Variants in CLEC16A observed in about 807,000 individuals in gnomAD.
CLEC16A encodes the protein protein CLEC16A.
A neutral mutation model predicts 109.5 loss-of-function variants in CLEC16A; 51 were observed. That is an observed-to-expected ratio of 0.47 (90% CI 0.37 to 0.59). The LOEUF (loss-of-function observed/expected upper bound fraction) is 0.59, where lower values mean the gene tolerates loss of function less well. Among genes scored for constraint, CLEC16A ranks in the 20% least tolerant of loss-of-function variants. The pLI is 0.00. For synonymous variants in CLEC16A, 673 were observed against 564.2 expected (o/e 1.19, Z -2.73); for missense variants, 1,339 against 1,394.0 (o/e 0.96, Z 0.63).
At chr16:10,998,227 C>T (rs2044446010) in intron 10 of CLEC16A, among the ~76,000 whole-genome samples, 1 of 152,198 alleles carries the variant, frequency 6.6e-6, no homozygotes, top group East Asian at 1.9e-4. Context: ...GGTGCAGACG[C>T]TTAGGGAGTA....
chr16:10,966,561 C>T (rs975181470), intron 3 of CLEC16A, among the ~76,000 whole-genome samples: 4 of 152,144 alleles, frequency 2.6e-5, no homozygotes, highest in Non-Finnish European at 4.4e-5. Context: ...TAGATATACC[C>T]GAGGCTGGGT....
At chr16:10,993,267 T>A (rs2044140569) in intron 10 of CLEC16A, among the ~76,000 whole-genome samples, 1 of 152,132 alleles carries the variant, frequency 6.6e-6, no homozygotes, top group African/African-American at 2.4e-5. Context: ...TGATTCCAGC[T>A]ACTCAGGAGG....
intron 19 of CLEC16A, among the ~76,000 whole-genome samples, chr16:11,097,929 C>T (rs771791431): frequency 2.0e-5 from 3 of 152,328 alleles, no homozygotes; most frequent in African/African-American, 2.4e-5. Flanking sequence ...AGCTGGCCCA[C>T]GGGCGACAGG....
intron 19 of CLEC16A, chr16:11,066,529 C>G (rs927094967): frequency 6.6e-6 from 1 of 152,292 alleles, no homozygotes. Context: ...CCAGGATGTC[C>G]GGTGGGCGGG....
chr16:11,038,362 A>G (rs575104317), intron 13 of CLEC16A, among the ~76,000 whole-genome samples: 1 of 152,204 alleles, frequency 6.6e-6, no homozygotes, highest in African/African-American at 2.4e-5. Context: ...AAGACGTGGT[A>G]CAAGCGCAAA....
intron 10 of CLEC16A, among the ~76,000 whole-genome samples, chr16:10,991,377 T>A (rs1440519991): frequency 2.0e-4 from 27 of 131,790 alleles, no homozygotes; most frequent in Non-Finnish European, 4.6e-5. Context: ...TGAGCCGAGA[T>A]CATGCCACTA....
At chr16:11,077,848 G>A (rs1175240693) in intron 19 of CLEC16A, among the ~76,000 whole-genome samples, 1 of 152,110 alleles carries the variant, frequency 6.6e-6, no homozygotes, top group Admixed American at 6.6e-5. Flanking sequence ...GCTAGGCGCG[G>A]TGGCTCATGC....
chr16:11,000,920 A>G (rs768991498), intron 10 of CLEC16A, among the ~76,000 whole-genome samples: 14 of 152,214 alleles, frequency 9.2e-5, no homozygotes, highest in Non-Finnish European at 1.9e-4. Flanking sequence ...TGGATAATCT[A>G]TATCAAGATA....
chr16:11,108,495 A>ACC (rs2051358089), intron 19 of CLEC16A, among the ~76,000 whole-genome samples: 1 of 152,022 alleles, frequency 6.6e-6, no homozygotes, highest in Non-Finnish European at 1.5e-5. Context: ...AACATCTCCC[A>ACC]CCCACCCTCT....
rs1164581981 is a variant in CLEC16A, at chr16:10,957,856, G to A, written c.155G>A (p.Arg52His). The change falls in exon 2 of 24, where the codon CGT becomes CAT. Residue 52 changes from arginine (R) to histidine (H), a missense_variant. This residue lies in a region of CLEC16A where 117 missense variants were observed against 120.2 expected (regional missense o/e 0.97). Coordinates refer to ENST00000409790, the MANE Select transcript of CLEC16A (RefSeq NM_015226.3). Reference sequence around the variant, plus strand: ...CGGAACCTGCTAGTGGAGACCATCCGTTCCATCACTGAGATCCTGATCTGG... The same window carrying A: ...CGGAACCTGCTAGTGGAGACCATCCATTCCATCACTGAGATCCTGATCTGG... ...QNRNLLVETI[R>H]SITEILIWGD... is the part of the protein sequence containing the mutation. 4 of 1,613,842 alleles carry A rather than the reference G, an allele frequency of 2.5e-6. No individual in the cohort carries two copies. Among genetic ancestry groups the A allele is most frequent in the Non-Finnish European group, 3.4e-6 (4 of 1,179,752 alleles).
At chr16:11,019,807 T>C (rs531167339) in intron 11 of CLEC16A, among the ~76,000 whole-genome samples, 106 of 151,426 alleles carry the variant, frequency 7.0e-4, no homozygotes, top group African/African-American at 2.5e-3. Flanking sequence ...AGCTTTAGAA[T>C]GTTGTCAGTG....
chr16:11,002,133 G>A (rs566067451), intron 10 of CLEC16A, among the ~76,000 whole-genome samples: 8 of 152,230 alleles, frequency 5.3e-5, no homozygotes, highest in South Asian at 2.1e-4. Context: ...GTGTGACCTC[G>A]GGCAGATCCT....
At chr16:11,138,706 A>G (rs1451423725) in intron 22 of CLEC16A, among the ~76,000 whole-genome samples, 2 of 152,210 alleles carry the variant, frequency 1.3e-5, no homozygotes, top group African/African-American at 4.8e-5. Context: ...AAAAACCTAA[A>G]TGACCACTGT....
chr16:11,074,064 T>G (rs2049215432), intron 19 of CLEC16A, among the ~76,000 whole-genome samples: 5 of 152,258 alleles, frequency 3.3e-5, no homozygotes, highest in Admixed American at 3.3e-4. Context: ...TGGCATTTTC[T>G]AAAAATGTAG....
At chr16:11,135,766 G>A (rs372686810) in intron 22 of CLEC16A, among the ~76,000 whole-genome samples, 23 of 152,318 alleles carry the variant, frequency 1.5e-4, no homozygotes, top group East Asian at 1.4e-3. Context: ...GGGTGGGCCC[G>A]CAGCAGGGCA....
Position 11,178,448 on chromosome 16 carries a change from G to T in CLEC16A, c.2920G>T (p.Val974Leu), listed in dbSNP as rs74163628. 6 of 1,613,414 alleles carry T rather than the reference G, an allele frequency of 3.7e-6. No individual in the cohort carries two copies. The African/African-American group carries it at 8.0e-5, about 22-fold the overall frequency. The change falls in exon 24 of 24, where the codon GTG becomes TTG. Residue 974 changes from valine to leucine, a missense_variant. Physicochemically the swap from Val to Leu is conservative, Grantham distance 32. Around this residue, in one of 3 missense-constraint regions of CLEC16A, gnomAD observed 1,061 missense variants for 1,006.8 expected, o/e 1.05. Coordinates refer to ENST00000409790, the MANE Select transcript of CLEC16A (RefSeq NM_015226.3). This position sits in a 1 kb window ranked among gnomAD's most constrained non-coding sequence, Gnocchi z 6.5. Reference protein sequence around the residue: ...PSKNVARSAAVETASLSPSLV... With the variant: ...PSKNVARSAALETASLSPSLV... ...CAAGAACGTGGCCAGGAGCGCAGCC[G>T]TGGAGACAGCCAGCCTGTCCCCCAG...
At chr16:10,953,976 CAAA>C (rs55810681) in intron 1 of CLEC16A, among the ~76,000 whole-genome samples, 1 of 145,594 alleles carries the variant, frequency 6.9e-6, no homozygotes, top group Non-Finnish European at 1.5e-5. Context: ...GACTCCGTCT[CAAA>C]AAAAAAAAAA....
chr16:11,171,272 C>A (rs1472977642), intron 23 of CLEC16A, among the ~76,000 whole-genome samples: 1 of 152,200 alleles, frequency 6.6e-6, no homozygotes, highest in African/African-American at 2.4e-5. Flanking sequence ...CCAGAGGCTC[C>A]CTCCGTGTGC....
chr16:11,050,662 G>A (rs1446625880), intron 17 of CLEC16A, among the ~76,000 whole-genome samples: 4 of 152,232 alleles, frequency 2.6e-5, no homozygotes, highest in East Asian at 1.9e-4. Context: ...AGAAGGCTTC[G>A]CAGAGGTGGT....
Sources: gnomAD v4.1 joint callset for allele counts (sites outside exome capture counted in the v4.1 genomes callset) on GRCh38, gnomAD v4.1.1 for gene constraint, gnomAD v4.1.1 regional missense constraint, Gnocchi (gnomAD v3.1) non-coding constraint, MANE v1.5 for transcripts, NCBI Gene and HGNC (gene_info 2026-07-23, HGNC 2026-07-21) for gene names.